The following TBC1D21 variants were observed in gnomAD, a reference collection of about 807,000 sequenced individuals.
The protein encoded by TBC1D21 is male germ cell Rab GTPase-activating protein.
Under a neutral mutation model 46.0 loss-of-function variants are expected in TBC1D21, and 38 were observed. That is an observed-to-expected ratio of 0.83 (90% CI 0.64 to 1.08). The LOEUF (loss-of-function observed/expected upper bound fraction) is 1.08, where lower values mean the gene tolerates loss of function less well. Ranked by LOEUF, TBC1D21 falls within the 50% of genes least tolerant of loss-of-function variation. TBC1D21 has a pLI of 0.00. For missense variants in TBC1D21, 415 were observed against 417.9 expected (o/e 0.99, Z 0.06); for synonymous variants, 151 against 157.2 (o/e 0.96, Z 0.29).
chr15:73,873,957 C>A (rs973302742), intron 1 of TBC1D21, among the ~76,000 whole-genome samples, 188 bp downstream of exon 1: 3 of 152,338 alleles, frequency 2.0e-5, no homozygotes, highest in African/African-American at 7.2e-5. Context: ...CCCCTTTCAC[C>A]TTCTTTCCAA....
chr15:73,873,802 C>T (rs1272317630), intron 1 of TBC1D21, 33 bp downstream of exon 1: 3 of 1,599,918 alleles, frequency 1.9e-6, no homozygotes, highest in Non-Finnish European at 2.6e-6. Flanking sequence ...GAGTGCCTCC[C>T]TCCCCAGCCT....
At chr15:73,876,221 T>TTTTGTTTG (rs2068061882) in intron 1 of TBC1D21, among the ~76,000 whole-genome samples, 3 of 36,386 alleles carry the variant, frequency 8.2e-5, no homozygotes, top group African/African-American at 5.4e-4. Flanking sequence ...TTTTTTTTTT[T>TTTTGTTTG]TTTTTTTTTT....
intron 1 of TBC1D21, among the ~76,000 whole-genome samples, chr15:73,878,710 A>G (rs1005382229): frequency 9.9e-5 from 15 of 152,252 alleles, no homozygotes; most frequent in Admixed American, 9.2e-4. Flanking sequence ...TACAGATTCA[A>G]TACAGTCTCC....
chr15:73,883,614 T>C (rs1341750046), intron 3 of TBC1D21, among the ~76,000 whole-genome samples: 1 of 152,210 alleles, frequency 6.6e-6, no homozygotes, highest in African/African-American at 2.4e-5. Context: ...CTTGACTTAG[T>C]CACATCTACA....
the TBC1D21 span, among the ~76,000 whole-genome samples, chr15:73,897,337 G>C: frequency 1.7e-4 from 26 of 152,300 alleles, no homozygotes; most frequent in Middle Eastern, 3.4e-3. Context: ...GTTGTAATAT[G>C]GCTATGTCTA....
At chr15:73,893,967 TA>T (rs1316004387), downstream of TBC1D21, among the ~76,000 whole-genome samples, 1 of 152,262 alleles carries the variant, frequency 6.6e-6, no homozygotes, top group African/African-American at 2.4e-5. Context: ...CGCCTTGTGC[TA>T]AGCACTCGCA....
chr15:73,892,611 C>G (rs1038548992), downstream of TBC1D21, among the ~76,000 whole-genome samples: 1 of 152,258 alleles, frequency 6.6e-6, no homozygotes, highest in Non-Finnish European at 1.5e-5. Context: ...CCCACCACAG[C>G]TGGCATGCTT....
the TBC1D21 span, among the ~76,000 whole-genome samples, chr15:73,897,112 G>A: frequency 1.3e-5 from 2 of 152,092 alleles, no homozygotes; most frequent in Admixed American, 6.5e-5. Flanking sequence ...TCGCCGCACT[G>A]AAGGTCACCA....
intron 1 of TBC1D21, among the ~76,000 whole-genome samples, chr15:73,877,514 TAAAAAA>T (rs541803630): frequency 0.011 from 829 of 72,728 alleles, 10 homozygotes; most frequent in African/African-American, 0.018. Context: ...TCCAGAAAAC[TAAAAAA>T]AAAAAAAAAA....
intron 10 of TBC1D21, 137 bp from the exon 11 acceptor site, chr15:73,888,932 C>T (rs2141587100): frequency 2.0e-6 from 2 of 989,258 alleles, no homozygotes; most frequent in South Asian, 2.9e-5. Context: ...AGAGCAGGGC[C>T]CTCATCCCCC....
chr15:73,875,174 G>C (rs1014372159), intron 1 of TBC1D21, among the ~76,000 whole-genome samples: 81 of 151,734 alleles, frequency 5.3e-4, no homozygotes, highest in African/African-American at 1.9e-3. Flanking sequence ...ACTTGAACCA[G>C]GGAGGTGGAG....
Position 73,888,425 on chromosome 15 carries a change from T to A in TBC1D21, c.895-5T>A, listed in dbSNP as rs761330846. ...ACCCACAACTGCTCCCACACTCCCA[T>A]GCAGGCCTGCAACAACCTCATCGAC... On this transcript the variant is annotated splice_region_variant and splice_polypyrimidine_tract_variant and intron_variant, in intron 9 of 10. Coordinates refer to ENST00000300504, the MANE Select transcript of TBC1D21 (RefSeq NM_153356.3). 2 of 1,613,212 alleles carry A rather than the reference T, an allele frequency of 1.2e-6. No homozygotes were observed.
At chr15:73,901,344 C>A in the TBC1D21 span, among the ~76,000 whole-genome samples, 1 of 152,240 alleles carries the variant, frequency 6.6e-6, no homozygotes, top group Admixed American at 6.5e-5. Flanking sequence ...GCCACCACAG[C>A]CCTGGAGCTT....
At chr15:73,909,713 T>C in the TBC1D21 span, 4 of 152,034 alleles carry the variant, frequency 2.6e-5, no homozygotes, top group African/African-American at 9.7e-5. Context: ...CTTCTGGTGT[T>C]TTCAGACTCA....
intron 3 of TBC1D21, among the ~76,000 whole-genome samples, chr15:73,882,134 C>A (rs1418317552): frequency 6.6e-6 from 1 of 152,128 alleles, no homozygotes; most frequent in Non-Finnish European, 1.5e-5. Context: ...GAGCTGCCTC[C>A]CGGGTCTAGT....
At chr15:73,894,065 T>A (rs1157246022), downstream of TBC1D21, among the ~76,000 whole-genome samples, 3 of 152,220 alleles carry the variant, frequency 2.0e-5, no homozygotes, top group African/African-American at 7.2e-5. Context: ...GTCATTACCC[T>A]CTCATTACCA....
At chr15:73,899,786 C>T in the TBC1D21 span, among the ~76,000 whole-genome samples, 4 of 152,226 alleles carry the variant, frequency 2.6e-5, 1 homozygote, top group South Asian at 2.1e-4. Flanking sequence ...AGTCTGGGGG[C>T]TGTACAGAAA....
intron 1 of TBC1D21, among the ~76,000 whole-genome samples, chr15:73,880,720 G>C (rs568382018): frequency 6.6e-6 from 1 of 152,038 alleles, no homozygotes; most frequent in Non-Finnish European, 1.5e-5. Context: ...GCAGTGAGCC[G>C]AGATCCACCA....
the TBC1D21 span, among the ~76,000 whole-genome samples, chr15:73,906,922 C>T: frequency 5.3e-5 from 8 of 150,986 alleles, no homozygotes; most frequent in Non-Finnish European, 1.2e-4. Flanking sequence ...CCTCTTCAGG[C>T]TCTTGTTCTC....
Sources: allele counts gnomAD v4.1 joint callset (sites outside exome capture counted in the v4.1 genomes callset), GRCh38; gene constraint gnomAD v4.1.1; transcripts MANE v1.5; gene names NCBI Gene and HGNC (gene_info 2026-07-23, HGNC 2026-07-21).